Variants in PCBP3 observed in about 807,000 individuals in gnomAD.
PCBP3 encodes the protein poly(rC)-binding protein 3.
Under a neutral mutation model 52.7 loss-of-function variants are expected in PCBP3, and 25 were observed. The observed-to-expected ratio is 0.47, with a 90% CI of 0.35 to 0.66. The LOEUF (loss-of-function observed/expected upper bound fraction) is 0.66. Among genes scored for constraint, PCBP3 ranks in the 30% least tolerant of loss-of-function variants. PCBP3 has a pLI of 0.01. For missense variants in PCBP3, 391 were observed against 490.3 expected (o/e 0.80, Z 1.91); for synonymous variants, 162 against 183.0 (o/e 0.89, Z 0.93).
chr21:45,644,079 C>T (rs1034494687), intron 1 of PCBP3, among the ~76,000 whole-genome samples: 3 of 150,356 alleles, frequency 2.0e-5, no homozygotes, highest in Non-Finnish European at 4.5e-5. Context: ...ACTCGCGCTC[C>T]CTCAAGGTGC....
In PCBP3 at chr21:45,900,775, C is replaced by A. The variant is rs748603877; in HGVS notation, c.222+152C>A. 6.9e-4 allele frequency: 485 copies of A among 707,520 alleles called. 1 individual carries two copies. Among genetic ancestry groups the A allele is most frequent in the Non-Finnish European group, 6.2e-4 (247 of 399,046 alleles). The allele number at this position is 707,520 out of a possible 1,614,324, so 43.8% of individuals were successfully genotyped here. A position where few individuals can be genotyped will look rare whatever the true frequency, so the allele number is the denominator to read the frequency against. On this transcript the variant is annotated intron_variant, in intron 8 of 17. Transcript: ENST00000681687. Reference sequence around the variant, plus strand: ...CGGGGCCTCTTTTCCCCTACTCAGGCCTCCTGTGCTCCCCTGTGGGGAAGG... The same window carrying A: ...CGGGGCCTCTTTTCCCCTACTCAGGACTCCTGTGCTCCCCTGTGGGGAAGG...
intron 2 of PCBP3, among the ~76,000 whole-genome samples, chr21:45,671,827 A>G (rs1018229813): frequency 6.6e-6 from 1 of 152,148 alleles, no homozygotes; most frequent in Non-Finnish European, 1.5e-5. Context: ...AGGGATTTTG[A>G]CACAATCTTG....
At chr21:45,707,717 G>A (rs1007284980) in intron 2 of PCBP3, among the ~76,000 whole-genome samples, 2 of 152,134 alleles carry the variant, frequency 1.3e-5, no homozygotes, top group Admixed American at 1.3e-4. Context: ...GGTATTATTA[G>A]GAGCATAATA....
intron 13 of PCBP3, among the ~76,000 whole-genome samples, chr21:45,927,674 GT>G (rs2075652279): frequency 6.6e-6 from 1 of 151,906 alleles, no homozygotes; most frequent in African/African-American, 2.4e-5. Context: ...AGAGAGATTT[GT>G]TTGCTAGTGT....
At chr21:45,739,051 T>A (rs2086139465) in intron 3 of PCBP3, among the ~76,000 whole-genome samples, 1 of 87,324 alleles carries the variant, frequency 1.1e-5, no homozygotes, top group Non-Finnish European at 2.2e-5. Flanking sequence ...CCCCTTCCTG[T>A]CCACGGTCCT....
intron 9 of PCBP3, among the ~76,000 whole-genome samples, chr21:45,906,615 G>C (rs1207660113): frequency 6.6e-6 from 1 of 151,994 alleles, no homozygotes; most frequent in African/African-American, 2.4e-5. Flanking sequence ...GATTGTGTCA[G>C]GTGCAGCGTC....
chr21:45,673,098 TTTTTA>T (rs2081270085), intron 2 of PCBP3, among the ~76,000 whole-genome samples: 1 of 152,192 alleles, frequency 6.6e-6, no homozygotes. Flanking sequence ...CTGACAGCAG[TTTTTA>T]TTATGGTGTC....
intron 1 of PCBP3, among the ~76,000 whole-genome samples, chr21:45,667,075 G>GTTCGTTCGTTCGTTCTTTCTTTCTTTCT (rs1357637647): frequency 6.8e-6 from 1 of 147,552 alleles, no homozygotes; most frequent in African/African-American, 2.5e-5. Context: ...GCATCTGTTT[G>GTTCGTTCGTTCGTTCTTTCTTTCTTTCT]TTCTTTCTTT....
At chr21:45,679,421 G>A (rs1354692737) in intron 2 of PCBP3, among the ~76,000 whole-genome samples, 4 of 152,102 alleles carry the variant, frequency 2.6e-5, no homozygotes, top group East Asian at 1.9e-4. Flanking sequence ...ACGCCTGGCC[G>A]CAATAAAGTA....
chr21:45,850,085 T>C lies in PCBP3; in HGVS notation c.-1T>C. ...TCTGCTCTAAACCTTATAGCCTGCT[T>C]ATGGGGGAAGGTGAGTTACTGTCTT... On this transcript the variant is annotated 5_prime_UTR_variant, in exon 5 of 18. Transcript: ENST00000681687. 2.6e-6 allele frequency: 4 copies of C among 1,550,836 alleles called. No homozygotes were observed. The highest frequency in any genetic ancestry group is 2.4e-5 in the East Asian group (1 of 40,912).
At chr21:45,753,648 C>T (rs1569184575) in intron 3 of PCBP3, among the ~76,000 whole-genome samples, 1 of 152,092 alleles carries the variant, frequency 6.6e-6, no homozygotes, top group Non-Finnish European at 1.5e-5. Context: ...TTTTGATTGA[C>T]AGATGACTGT....
At chr21:45,660,698 T>G (rs555512697) in intron 1 of PCBP3, among the ~76,000 whole-genome samples, 66 of 152,314 alleles carry the variant, frequency 4.3e-4, no homozygotes, top group African/African-American at 1.4e-3. Flanking sequence ...ACTTTGCTTC[T>G]GTATATCTCC....
chr21:45,853,079 C>G lies in PCBP3; in HGVS notation c.10+2984C>G, dbSNP rs534265277. ...TCGCACCAGGCATTGGGAGCAGATG[C>G]GGAAAGTGCACATGCCGCTGGCCAG... On this transcript the variant is annotated intron_variant, in intron 5 of 17. Coordinates refer to ENST00000681687, the MANE Select transcript of PCBP3 (RefSeq NM_001384156.1). This position sits in a 1 kb window ranked among gnomAD's most constrained non-coding sequence, Gnocchi z 4.6. Among the ~76,000 whole-genome samples the G allele has an allele frequency of 3.9e-5, 6 of 152,152 alleles. No homozygotes were observed. Among genetic ancestry groups the G allele is most frequent in the African/African-American group, 1.4e-4 (6 of 41,428 alleles).
At chr21:45,757,142 C>T (rs1415149449) in intron 4 of PCBP3, among the ~76,000 whole-genome samples, 1 of 152,206 alleles carries the variant, frequency 6.6e-6, no homozygotes, top group African/African-American at 2.4e-5. Context: ...TCGACATTCC[C>T]ACCCACATGT....
chr21:45,867,692 A>G (rs1213762030), intron 5 of PCBP3, among the ~76,000 whole-genome samples: 7 of 152,400 alleles, frequency 4.6e-5, no homozygotes. Context: ...GGCTGCGCCC[A>G]TCGTGGAGAC....
chr21:45,875,310 C>G (rs1051160589), intron 5 of PCBP3, among the ~76,000 whole-genome samples: 2 of 152,224 alleles, frequency 1.3e-5, no homozygotes, highest in African/African-American at 2.4e-5. Context: ...GCGGCTGACT[C>G]TCTGCTGCAC....
At chr21:45,934,533 A>G (rs1395140051) in intron 15 of PCBP3, among the ~76,000 whole-genome samples, 1 of 152,262 alleles carries the variant, frequency 6.6e-6, no homozygotes, top group East Asian at 1.9e-4. Flanking sequence ...GTATCTATAT[A>G]GAAATGTGCA....
chr21:45,651,333 A>G (rs1376524579), intron 1 of PCBP3, among the ~76,000 whole-genome samples: 1 of 152,192 alleles, frequency 6.6e-6, no homozygotes, highest in East Asian at 1.9e-4. Flanking sequence ...TTTTCTATTT[A>G]TAAAAGTAAT....
chr21:45,792,315 G>A (rs556548198), intron 4 of PCBP3, among the ~76,000 whole-genome samples: 28 of 152,386 alleles, frequency 1.8e-4, no homozygotes, highest in African/African-American at 6.2e-4. Context: ...CAGGAGGGGC[G>A]GGCTCAGTGG....
Sources: gnomAD v4.1 joint callset for allele counts (sites outside exome capture counted in the v4.1 genomes callset) on GRCh38, gnomAD v4.1.1 for gene constraint, Gnocchi (gnomAD v3.1) non-coding constraint, MANE v1.5 for transcripts, NCBI Gene and HGNC (gene_info 2026-07-23, HGNC 2026-07-21) for gene names.